TENM2: variants seen among roughly 807,000 people sequenced by gnomAD.
TENM2 encodes teneurin-2.
A neutral mutation model predicts 245.2 loss-of-function variants in TENM2; 52 were observed. The observed-to-expected ratio is 0.21, with a 90% CI of 0.17 to 0.27. The LOEUF (loss-of-function observed/expected upper bound fraction) is 0.27, where lower values mean the gene tolerates loss of function less well. TENM2 is among the 10% of genes least tolerant of loss of function. The probability of loss-of-function intolerance (pLI) is 1.00; values close to 1 mark genes in which losing one functional copy is unlikely to be tolerated. For missense variants in TENM2, 3,046 were observed against 3,666.8 expected, an observed-to-expected ratio of 0.83 and a Z score of 4.37; for synonymous variants, 1,363 against 1,438.9, an observed-to-expected ratio of 0.95 and a Z score of 1.19.
the TENM2 span, among the ~76,000 whole-genome samples, chr5:167,156,020 G>A: frequency 1.3e-5 from 2 of 152,198 alleles, no homozygotes; most frequent in Non-Finnish European, 2.9e-5. Context: ...CAGATGTCTT[G>A]TTAGTGGGCA....
intron 4 of TENM2, among the ~76,000 whole-genome samples, chr5:167,984,172 C>T (rs189677423): frequency 6.6e-6 from 1 of 152,266 alleles, no homozygotes; most frequent in Non-Finnish European, 1.5e-5. Flanking sequence ...TTGTCTCAGT[C>T]TAGGATTTGC....
chr5:167,900,398 A>G (rs999812498), intron 3 of TENM2, among the ~76,000 whole-genome samples: 9 of 152,188 alleles, frequency 5.9e-5, no homozygotes, highest in Non-Finnish European at 1.2e-4. Context: ...AGGTTAAATG[A>G]TATTCCCAGC....
At chr5:168,010,140 C>T (rs1581046457) in intron 5 of TENM2, among the ~76,000 whole-genome samples, 1 of 152,208 alleles carries the variant, frequency 6.6e-6, no homozygotes, top group East Asian at 1.9e-4. Context: ...TATAGTTCAA[C>T]ATACATATGG....
At chr5:167,248,198 T>C in the TENM2 span, among the ~76,000 whole-genome samples, 2 of 152,226 alleles carry the variant, frequency 1.3e-5, no homozygotes, top group East Asian at 3.8e-4. Context: ...GAGTTCTTTT[T>C]TGTTTAATAC....
At chr5:167,564,955 G>C (rs1361094822) in intron 2 of TENM2, among the ~76,000 whole-genome samples, 1 of 152,236 alleles carries the variant, frequency 6.6e-6, no homozygotes, top group Non-Finnish European at 1.5e-5. Context: ...ATACAAGACT[G>C]TGAATACACG....
At chr5:167,940,432 T>G (rs554295929) in intron 3 of TENM2, among the ~76,000 whole-genome samples, 1 of 152,182 alleles carries the variant, frequency 6.6e-6, no homozygotes, top group African/African-American at 2.4e-5. Context: ...GGTGCCAGTA[T>G]GTGCTTTAGA....
intron 1 of TENM2, among the ~76,000 whole-genome samples, chr5:167,318,807 T>G: frequency 6.6e-6 from 1 of 152,160 alleles, no homozygotes; most frequent in Non-Finnish European, 1.5e-5. Flanking sequence ...GCTTTGAGAC[T>G]CAGAGCCCAC....
chr5:167,190,343 G>T, the TENM2 span, among the ~76,000 whole-genome samples: 9 of 152,034 alleles, frequency 5.9e-5, no homozygotes, highest in Non-Finnish European at 1.3e-4. Context: ...CTCCCTTTAA[G>T]GTGAAGGTCC....
Position 167,944,515 on chromosome 5 carries a change from C to T in TENM2, c.713-8073C>T, listed in dbSNP as rs561374431. Among the ~76,000 whole-genome samples, 123 of 152,044 alleles carry T rather than the reference C, an allele frequency of 8.1e-4. 1 individual carries two copies. The highest frequency in any genetic ancestry group is 2.5e-3 in the African/African-American group (102 of 41,478). ...TTTTTAAGTGCTAGGCAGTGTGCCC[C>T]GTTTGAGATTGAACTTTGACTGGCT... is the stretch of plus-strand genomic sequence containing the variant. On this transcript the variant is annotated intron_variant, in intron 3 of 28. Transcript: ENST00000518659.
chr5:168,133,026 C>G (rs1754726460), intron 12 of TENM2, among the ~76,000 whole-genome samples: 1 of 152,186 alleles, frequency 6.6e-6, no homozygotes, highest in East Asian at 1.9e-4. Flanking sequence ...TTTGACTCTA[C>G]CATATACATT....
intron 2 of TENM2, among the ~76,000 whole-genome samples, chr5:167,691,805 C>T (rs1757446491): frequency 6.6e-6 from 1 of 152,138 alleles, no homozygotes; most frequent in South Asian, 2.1e-4. Context: ...GGGGATCTCG[C>T]TGGCAGGGGA....
intron 3 of TENM2, among the ~76,000 whole-genome samples, chr5:167,941,901 CCT>C (rs1325247127): frequency 6.7e-6 from 1 of 149,890 alleles, no homozygotes; most frequent in African/African-American, 2.5e-5. Context: ...CTGTGTCACC[CCT>C]CTCTCCAACA....
the TENM2 span, among the ~76,000 whole-genome samples, chr5:166,981,786 A>G: frequency 2.9e-3 from 441 of 151,972 alleles, 1 homozygote; most frequent in African/African-American, 0.01. Context: ...TTACCCAGCC[A>G]CCCCTCTGTC....
At chr5:167,256,985 TC>T in the TENM2 span, among the ~76,000 whole-genome samples, 2 of 152,120 alleles carry the variant, frequency 1.3e-5, no homozygotes, top group Non-Finnish European at 2.9e-5. Flanking sequence ...CATTAATCCC[TC>T]TGTATACTTG....
At chr5:167,086,604 T>C in the TENM2 span, among the ~76,000 whole-genome samples, 1 of 152,028 alleles carries the variant, frequency 6.6e-6, no homozygotes, top group Admixed American at 6.6e-5. Context: ...TAAACGTAAT[T>C]GGGAATATGC....
chr5:167,498,767 T>A (rs1768981981), intron 2 of TENM2, among the ~76,000 whole-genome samples: 1 of 152,192 alleles, frequency 6.6e-6, no homozygotes, highest in African/African-American at 2.4e-5. Flanking sequence ...TGCTTATTTT[T>A]AAAATTTTAT....
intron 2 of TENM2, among the ~76,000 whole-genome samples, chr5:167,825,964 G>T (rs190517232): frequency 1.3e-5 from 2 of 151,940 alleles, no homozygotes; most frequent in African/African-American, 2.4e-5. Flanking sequence ...CTGTGCTCAA[G>T]CTCATGTTTG....
intron 27 of TENM2, among the ~76,000 whole-genome samples, chr5:168,258,259 T>C (rs1767857515): frequency 6.6e-6 from 1 of 152,026 alleles, no homozygotes; most frequent in South Asian, 2.1e-4. Flanking sequence ...CCCAGCACTT[T>C]GGGAGGCCGA....
intron 2 of TENM2, among the ~76,000 whole-genome samples, chr5:167,514,520 A>T (rs917144985): frequency 5.9e-5 from 9 of 152,208 alleles, no homozygotes; most frequent in African/African-American, 2.2e-4. Flanking sequence ...GGATCCTCAT[A>T]AAAATAAATG....
Sources: gnomAD v4.1 joint callset for allele counts (sites outside exome capture counted in the v4.1 genomes callset) on GRCh38, gnomAD v4.1.1 for gene constraint, MANE v1.5 for transcripts, NCBI Gene and HGNC (gene_info 2026-07-23, HGNC 2026-07-21) for gene names.